Variants in HCN1 observed in about 807,000 individuals in gnomAD.
HCN1 encodes the protein hyperpolarization activated cyclic nucleotide gated potassium channel 1, also known as potassium/sodium hyperpolarization-activated cyclic nucleotide-gated channel 1.
A neutral mutation model predicts 78.9 loss-of-function variants in HCN1; 13 were observed. The ratio of observed to expected loss-of-function variants is 0.16; its 90% CI spans 0.11 to 0.26. The LOEUF is 0.26. Among genes scored for constraint, HCN1 ranks in the 10% least tolerant of loss-of-function variants. The pLI is 1.00. For synonymous variants in HCN1, 552 were observed against 455.5 expected, an observed-to-expected ratio of 1.21 and a Z score of -2.70; for missense variants, 810 against 1,154.3, an observed-to-expected ratio of 0.70 and a Z score of 4.32.
chr5:45,627,430 GAGCCAT>G (rs1202264174), intron 2 of HCN1, among the ~76,000 whole-genome samples: 2 of 152,066 alleles, frequency 1.3e-5, no homozygotes, highest in Admixed American at 1.3e-4. Flanking sequence ...GCATTATACT[GAGCCAT>G]CACTCCAAAT....
intron 4 of HCN1, among the ~76,000 whole-genome samples, chr5:45,371,880 G>T (rs1747372412): frequency 1.0e-5 from 1 of 96,966 alleles, no homozygotes; most frequent in African/African-American, 4.7e-5. Context: ...TATTATATAT[G>T]AAATAAATAT....
chr5:45,447,437 C>T (rs1013252311), intron 3 of HCN1, among the ~76,000 whole-genome samples: 1 of 152,116 alleles, frequency 6.6e-6, no homozygotes, highest in African/African-American at 2.4e-5. Flanking sequence ...GAGACAAGGT[C>T]TTACTATATT....
At chr5:45,296,113 C>T (rs530966724) in intron 6 of HCN1, among the ~76,000 whole-genome samples, 1 of 151,944 alleles carries the variant, frequency 6.6e-6, no homozygotes, top group South Asian at 2.1e-4. Context: ...AGATTAAAAG[C>T]TCTGAATGGA....
At chr5:45,384,334 A>G (rs984734849) in intron 4 of HCN1, among the ~76,000 whole-genome samples, 30 of 152,180 alleles carry the variant, frequency 2.0e-4, no homozygotes, top group Admixed American at 2.0e-3. Flanking sequence ...ATAGTCACAG[A>G]AAATCTTTGG....
intron 3 of HCN1, among the ~76,000 whole-genome samples, chr5:45,447,872 A>G (rs1740832404): frequency 6.7e-6 from 1 of 149,704 alleles, no homozygotes; most frequent in Admixed American, 6.7e-5. Flanking sequence ...TCATATGTAT[A>G]TATTTTATGA....
intron 6 of HCN1, among the ~76,000 whole-genome samples, chr5:45,301,482 G>A (rs908727369): frequency 7.2e-5 from 11 of 151,764 alleles, no homozygotes; most frequent in Non-Finnish European, 1.6e-4. Context: ...AATTTGGGAA[G>A]TCAAGGGAGG....
At chr5:45,301,218 CAT>C (rs1350472250) in intron 6 of HCN1, among the ~76,000 whole-genome samples, 2 of 151,044 alleles carry the variant, frequency 1.3e-5, no homozygotes, top group East Asian at 3.9e-4. Flanking sequence ...TGAAATCCTT[CAT>C]TAATTATTTT....
chr5:45,456,508 A>G (rs1016963750), intron 3 of HCN1, among the ~76,000 whole-genome samples: 2 of 152,120 alleles, frequency 1.3e-5, no homozygotes, highest in African/African-American at 4.8e-5. Flanking sequence ...ATTCCTTCAA[A>G]TCACAACAAA....
At chr5:45,660,028 G>GA (rs1469753613) in intron 1 of HCN1, among the ~76,000 whole-genome samples, 2 of 124,660 alleles carry the variant, frequency 1.6e-5, no homozygotes, top group African/African-American at 3.5e-5. Context: ...TGAAATGAAG[G>GA]AAAAAATGTT....
chr5:45,283,914 GGATAAAGAAAATGCAGTATATA>G (rs1745217648), intron 6 of HCN1, among the ~76,000 whole-genome samples: 1 of 152,062 alleles, frequency 6.6e-6, no homozygotes, highest in Non-Finnish European at 1.5e-5. Context: ...ATGACAGATT[GGATAAAGAAAATGCAGTATATA>G]GACATCATAG....
intron 6 of HCN1, among the ~76,000 whole-genome samples, chr5:45,274,527 C>T (rs542244520): frequency 4.6e-5 from 7 of 152,298 alleles, no homozygotes; most frequent in African/African-American, 1.7e-4. Context: ...AAGAGTGCCA[C>T]CACAAGCCTG....
At chr5:45,493,604 T>C (rs563641035) in intron 2 of HCN1, among the ~76,000 whole-genome samples, 3 of 152,022 alleles carry the variant, frequency 2.0e-5, no homozygotes, top group East Asian at 1.9e-4. Flanking sequence ...TTTTTTTTTA[T>C]TTATTATTAT....
intron 2 of HCN1, among the ~76,000 whole-genome samples, chr5:45,527,218 CA>C (rs1256884008): frequency 7.3e-6 from 1 of 137,426 alleles, no homozygotes; most frequent in Admixed American, 7.3e-5. Context: ...GGACTGAAGG[CA>C]GAAAGAACAT....
chr5:45,272,271 T>C (rs887679705), intron 6 of HCN1, among the ~76,000 whole-genome samples: 2 of 152,004 alleles, frequency 1.3e-5, no homozygotes, highest in Non-Finnish European at 2.9e-5. Flanking sequence ...TTGGCGGGGA[T>C]GGGGGGTGTT....
At chr5:45,286,786 C>G (rs939063669) in intron 6 of HCN1, among the ~76,000 whole-genome samples, 1 of 151,946 alleles carries the variant, frequency 6.6e-6, no homozygotes, top group Admixed American at 6.6e-5. Context: ...GGTACAAAGA[C>G]AATTTTAAAA....
At chr5:45,408,765 TG>T (rs777750401) in intron 3 of HCN1, among the ~76,000 whole-genome samples, 10 of 152,310 alleles carry the variant, frequency 6.6e-5, no homozygotes, top group Non-Finnish European at 1.3e-4. Flanking sequence ...TGTTTAATGC[TG>T]CTATTTTGAG....
intron 2 of HCN1, among the ~76,000 whole-genome samples, chr5:45,504,137 C>T (rs954962099): frequency 2.6e-4 from 39 of 152,164 alleles, no homozygotes; most frequent in Admixed American, 1.2e-3. Context: ...TTCTAGGGTA[C>T]ATGTGCACAA....
chr5:45,625,364 A>G (rs1209514278), intron 2 of HCN1, among the ~76,000 whole-genome samples: 4 of 152,268 alleles, frequency 2.6e-5, no homozygotes, highest in Middle Eastern at 3.4e-3. Context: ...AATATGTACA[A>G]TTAGTGTCAG....
chr5:45,659,072 G>A lies in HCN1; in HGVS notation c.426-13464C>T, dbSNP rs531142841. On this transcript the variant is annotated intron_variant, in intron 1 of 7. Coordinates refer to ENST00000303230, the MANE Select transcript of HCN1 (RefSeq NM_021072.4). ...TGTCCCTGTCTGACAGCTTTGAAGAGACCAGTGGTTCTCCCAGCACGCAGC... is the reference window on the plus strand; with the variant it reads ...TGTCCCTGTCTGACAGCTTTGAAGAAACCAGTGGTTCTCCCAGCACGCAGC... 2.0e-4 allele frequency among the ~76,000 whole-genome samples: 30 copies of A among 152,180 alleles called. No homozygotes were observed. In the East Asian group the frequency reaches 5.3e-3, roughly 27 times the overall value.
Sources: gnomAD v4.1 joint callset for allele counts (sites outside exome capture counted in the v4.1 genomes callset) on GRCh38, gnomAD v4.1.1 for gene constraint, MANE v1.5 for transcripts, NCBI Gene and HGNC (gene_info 2026-07-23, HGNC 2026-07-21) for gene names.